ADCY8: variants seen among roughly 807,000 people sequenced by gnomAD.
ADCY8 encodes the protein adenylate cyclase type 8.
ADCY8 carries 51 observed loss-of-function variants against 119.7 expected under a neutral mutation model. That is an observed-to-expected ratio of 0.43 (90% CI 0.34 to 0.54). ADCY8 has a LOEUF of 0.54. Among genes scored for constraint, ADCY8 ranks in the 20% least tolerant of loss-of-function variants. The probability of loss-of-function intolerance (pLI) is 0.03; values close to 1 mark genes in which losing one functional copy is unlikely to be tolerated. For synonymous variants in ADCY8, 665 were observed against 651.0 expected (o/e 1.02, Z -0.33); for missense variants, 1,383 against 1,598.8 (o/e 0.87, Z 2.30).
chr8:131,017,577 T>G (rs894729065), intron 1 of ADCY8, among the ~76,000 whole-genome samples: 7 of 152,188 alleles, frequency 4.6e-5, no homozygotes, highest in Non-Finnish European at 8.8e-5. Context: ...GGGTGCTAGA[T>G]GCATTAGGAA....
intron 5 of ADCY8, among the ~76,000 whole-genome samples, chr8:130,928,941 T>C (rs1329542477): frequency 1.3e-5 from 2 of 152,158 alleles, no homozygotes; most frequent in East Asian, 1.9e-4. Flanking sequence ...ATGAGAGACT[T>C]TGTATTACTG....
At chr8:130,815,901 CCCTCTTG>C (rs1816324048) in intron 13 of ADCY8, among the ~76,000 whole-genome samples, 1 of 152,186 alleles carries the variant, frequency 6.6e-6, no homozygotes, top group African/African-American at 2.4e-5. Flanking sequence ...CACATTGGTT[CCCTCTTG>C]TCCTAGCCTC....
At chr8:130,921,918 G>A (rs1002609225) in intron 5 of ADCY8, among the ~76,000 whole-genome samples, 3 of 152,134 alleles carry the variant, frequency 2.0e-5, no homozygotes, top group African/African-American at 7.2e-5. Flanking sequence ...TTTAAGAGGT[G>A]ATTGGATCAT....
chr8:130,861,975 C>T (rs7011224), intron 9 of ADCY8, among the ~76,000 whole-genome samples: 2,033 of 152,226 alleles, frequency 0.013, 42 homozygotes, highest in African/African-American at 0.047. Flanking sequence ...TAGTTAACCA[C>T]TATTGTTTGA....
chr8:130,922,354 C>T lies in ADCY8; in HGVS notation c.1482-12488G>A, dbSNP rs534491795. Among the ~76,000 whole-genome samples the T allele has an allele frequency of 2.9e-3, 433 of 151,366 alleles. 4 individuals carry two copies. Among genetic ancestry groups the T allele is most frequent in the African/African-American group, 9.8e-3 (403 of 41,296 alleles). On this transcript the variant is annotated intron_variant, in intron 5 of 17. Coordinates refer to ENST00000286355, the MANE Select transcript of ADCY8 (RefSeq NM_001115.3). Reference sequence around the variant, plus strand: ...TGGTTTTCCTAGGCAGAGGACCCTGCGGCCTTCCGCAGTGTTTGTGTCCCT... The same window carrying T: ...TGGTTTTCCTAGGCAGAGGACCCTGTGGCCTTCCGCAGTGTTTGTGTCCCT...
intron 4 of ADCY8, among the ~76,000 whole-genome samples, chr8:130,941,196 G>A (rs1820944792): frequency 6.6e-6 from 1 of 152,192 alleles, no homozygotes; most frequent in Admixed American, 6.5e-5. Context: ...TAAGGTTGAA[G>A]TTCCCTAGGA....
chr8:130,954,350 A>G (rs1390085296), intron 2 of ADCY8, among the ~76,000 whole-genome samples: 1 of 152,092 alleles, frequency 6.6e-6, no homozygotes, highest in Non-Finnish European at 1.5e-5. Flanking sequence ...ATTCATTCAC[A>G]GGACCTAGTT....
chr8:130,823,605 T>G (rs916679566), intron 12 of ADCY8, among the ~76,000 whole-genome samples: 1 of 152,204 alleles, frequency 6.6e-6, no homozygotes, highest in Admixed American at 6.5e-5. Context: ...CATAATGTAA[T>G]TTTCAGGGCT....
chr8:130,928,212 T>C (rs550369710), intron 5 of ADCY8, among the ~76,000 whole-genome samples: 1 of 152,270 alleles, frequency 6.6e-6, no homozygotes, highest in African/African-American at 2.4e-5. Context: ...GCTAGGACTA[T>C]AGGCATGTGC....
chr8:130,833,939 T>G (rs1816911275), intron 12 of ADCY8, among the ~76,000 whole-genome samples: 1 of 152,134 alleles, frequency 6.6e-6, no homozygotes, highest in South Asian at 2.1e-4. Flanking sequence ...ATACAAAATT[T>G]TAGTTAGACA....
intron 5 of ADCY8, among the ~76,000 whole-genome samples, chr8:130,922,998 T>TG (rs1820360963): frequency 6.6e-6 from 1 of 152,250 alleles, no homozygotes; most frequent in African/African-American, 2.4e-5. Flanking sequence ...GCCTGGCACA[T>TG]GGCAAACATT....
At chr8:130,806,431 G>A (rs1815960306) in intron 14 of ADCY8, among the ~76,000 whole-genome samples, 2 of 152,184 alleles carry the variant, frequency 1.3e-5, no homozygotes, top group African/African-American at 2.4e-5. Flanking sequence ...GCAGAAAAGA[G>A]GGCACACATT....
intron 9 of ADCY8, among the ~76,000 whole-genome samples, chr8:130,851,727 G>A (rs1314015790): frequency 6.6e-6 from 1 of 152,170 alleles, no homozygotes; most frequent in Admixed American, 6.5e-5. Flanking sequence ...TTGTATGTAT[G>A]TGTAGAGGGT....
At chr8:130,986,454 T>C (rs889794219) in intron 2 of ADCY8, among the ~76,000 whole-genome samples, 1 of 152,190 alleles carries the variant, frequency 6.6e-6, no homozygotes, top group Non-Finnish European at 1.5e-5. Context: ...CTTTAACTAG[T>C]CTTTAGAGAT....
chr8:131,001,345 C>A (rs2130762670), intron 1 of ADCY8, among the ~76,000 whole-genome samples: 2 of 152,154 alleles, frequency 1.3e-5, no homozygotes, highest in Middle Eastern at 6.8e-3. Flanking sequence ...CGCCTTTGCA[C>A]CTGCCAGATG....
chr8:130,959,193 C>A (rs1367327473), intron 2 of ADCY8, among the ~76,000 whole-genome samples: 2 of 152,110 alleles, frequency 1.3e-5, no homozygotes, highest in Non-Finnish European at 2.9e-5. Context: ...CATGCATTAA[C>A]ATGCTCTCTA....
intron 1 of ADCY8, among the ~76,000 whole-genome samples, chr8:130,999,974 C>T (rs1822893026): frequency 6.6e-6 from 1 of 152,208 alleles, no homozygotes. Flanking sequence ...AATGTTAAAA[C>T]TGAAATTGGG....
chr8:130,905,441 C>T (rs1819750808), intron 6 of ADCY8, among the ~76,000 whole-genome samples: 1 of 152,162 alleles, frequency 6.6e-6, no homozygotes, highest in Non-Finnish European at 1.5e-5. Context: ...TCCTACTGTC[C>T]AATTCTGCTC....
At chr8:130,895,986 T>C (rs1819374322) in intron 7 of ADCY8, among the ~76,000 whole-genome samples, 2 of 150,544 alleles carry the variant, frequency 1.3e-5, no homozygotes, top group Non-Finnish European at 3.0e-5. Flanking sequence ...GAAAGAGAAA[T>C]CTGTGCTTTG....
Sources: gnomAD v4.1 joint callset for allele counts (sites outside exome capture counted in the v4.1 genomes callset) on GRCh38, gnomAD v4.1.1 for gene constraint, MANE v1.5 for transcripts, NCBI Gene and HGNC (gene_info 2026-07-23, HGNC 2026-07-21) for gene names.